SORBS2: variants seen among roughly 807,000 people sequenced by gnomAD.
SORBS2 encodes sorbin and SH3 domain-containing protein 2.
SORBS2 carries 46 observed loss-of-function variants against 97.7 expected under a neutral mutation model. That is an observed-to-expected ratio of 0.47 (90% confidence interval 0.37 to 0.60). The LOEUF (loss-of-function observed/expected upper bound fraction) is 0.60, where lower values mean the gene tolerates loss of function less well. SORBS2 is among the 20% of genes least tolerant of loss of function. SORBS2 has a pLI of 0.00. For synonymous variants in SORBS2, 476 were observed against 473.4 expected (o/e 1.01, Z -0.07); for missense variants, 1,316 against 1,282.3 (o/e 1.03, Z -0.40).
chr4:185,743,529 A>G (rs2098740147), intron 2 of SORBS2, among the ~76,000 whole-genome samples: 1 of 152,210 alleles, frequency 6.6e-6, no homozygotes, highest in African/African-American at 2.4e-5. Flanking sequence ...AAACTGTGAT[A>G]CACAATGATT....
chr4:185,778,918 C>T (rs965770394), intron 1 of SORBS2, among the ~76,000 whole-genome samples: 3 of 152,286 alleles, frequency 2.0e-5, no homozygotes, highest in Admixed American at 6.5e-5. Context: ...ACCTCTGTTC[C>T]GGCCTTAAAT....
intron 1 of SORBS2, among the ~76,000 whole-genome samples, chr4:185,822,337 T>A (rs538674572): frequency 6.6e-6 from 1 of 152,236 alleles, no homozygotes; most frequent in Non-Finnish European, 1.5e-5. Context: ...TCTGTATTCC[T>A]TGTTGGTAAC....
intron 2 of SORBS2, among the ~76,000 whole-genome samples, chr4:185,693,590 C>T (rs74930947): frequency 1.3e-3 from 197 of 152,300 alleles, no homozygotes; most frequent in African/African-American, 4.3e-3. Flanking sequence ...TTCCCAAATT[C>T]GACTTCTTCA....
At chr4:185,634,149 C>G (rs28731259) in intron 4 of SORBS2, among the ~76,000 whole-genome samples, 50,882 of 151,902 alleles carry the variant, frequency 0.33, 9,053 homozygotes, top group South Asian at 0.53. Flanking sequence ...ATATTTTGAT[C>G]ACTTCTCAGT....
intron 12 of SORBS2, among the ~76,000 whole-genome samples, chr4:185,595,198 G>T (rs914591348): frequency 3.3e-5 from 5 of 152,022 alleles, no homozygotes; most frequent in Non-Finnish European, 7.4e-5. Flanking sequence ...GCTCTGACTC[G>T]GTTAACTGGA....
At chr4:185,830,864 T>G (rs554183660) in intron 1 of SORBS2, among the ~76,000 whole-genome samples, 9 of 152,294 alleles carry the variant, frequency 5.9e-5, no homozygotes, top group African/African-American at 2.2e-4. Flanking sequence ...TTCTACTATT[T>G]TTCTCACGGC....
In SORBS2 at chr4:185,690,546, C is replaced by T; in HGVS notation, c.-197-11724G>A. ...AGAGCAAGGCTAAAAGAGTTTAAAA[C>T]TAACAGACAGCATACCTGTGTTCAT... On this transcript the variant is annotated intron_variant, in intron 2 of 20. Coordinates refer to the SORBS2 transcript ENST00000284776. 1.3e-6 allele frequency: 2 copies of T among 1,508,996 alleles called. No homozygotes were observed. The highest frequency in any genetic ancestry group is 1.8e-6 in the Non-Finnish European group (2 of 1,116,584). The allele number at this position is 1,508,996 out of a possible 1,614,324, so 93.5% of individuals were successfully genotyped here. A position where few individuals can be genotyped will look rare whatever the true frequency, so the allele number is the denominator to read the frequency against.
intron 2 of SORBS2, among the ~76,000 whole-genome samples, chr4:185,705,375 G>A (rs763639978): frequency 2.8e-4 from 42 of 151,968 alleles, no homozygotes; most frequent in East Asian, 7.7e-4. Context: ...GTGAAACCCC[G>A]TCTCTACTAA....
intron 4 of SORBS2, chr4:185,677,379 G>T: frequency 6.4e-7 from 1 of 1,552,342 alleles, no homozygotes; most frequent in Non-Finnish European, 8.7e-7. Context: ...TGCAGGATCC[G>T]TGCTGGAAGC....
At position 185,930,156 on chromosome 4, in the gene SORBS2, C is replaced by T. The variant is rs140184516; in HGVS notation, c.-338+26040G>A. 6.1e-3 allele frequency among the ~76,000 whole-genome samples: 929 copies of T among 152,232 alleles called. 7 individuals carry two copies. The highest frequency in any genetic ancestry group is 0.021 in the African/African-American group (890 of 41,530). On this transcript the variant is annotated intron_variant, in intron 1 of 20. Transcript: ENST00000284776. The stretch of plus-strand genomic sequence containing the variant: ...AAACTGATAATTCTGCACTTGTTTT[C>T]AGGGATATTTTAAATGGTCACCTCC...
At chr4:185,813,115 T>C (rs1189584362) in intron 1 of SORBS2, 1 of 152,238 alleles carries the variant, frequency 6.6e-6, no homozygotes, top group African/African-American at 2.4e-5. Flanking sequence ...TCACCAGTCA[T>C]ATTCTATCTG....
At chr4:185,737,485 C>A (rs2098695093) in intron 2 of SORBS2, among the ~76,000 whole-genome samples, 1 of 152,122 alleles carries the variant, frequency 6.6e-6, no homozygotes, top group African/African-American at 2.4e-5. Context: ...ATAAAGTGGG[C>A]AGTGGGGAGA....
At chr4:185,796,000 T>C (rs2099102976) in intron 1 of SORBS2, among the ~76,000 whole-genome samples, 1 of 152,254 alleles carries the variant, frequency 6.6e-6, no homozygotes, top group Admixed American at 6.5e-5. Flanking sequence ...CCTACTGTCC[T>C]GTCTCAGCTG....
In SORBS2 at chr4:185,877,867, C is replaced by CAAAAAAAAAAAAAA. The variant is rs1491116547; in HGVS notation, c.-338+78328_-338+78329insTTTTTTTTTTTTTT. On this transcript the variant is annotated intron_variant, in intron 1 of 20. Coordinates refer to the SORBS2 transcript ENST00000284776. ...CCTGGGTGACAGAGTGAGACTCTGT[C>CAAAAAAAAAAAAAA]AAAAAACAAAAAAAAAAAAGAAAGA... 8.5e-4 allele frequency among the ~76,000 whole-genome samples: 43 copies of CAAAAAAAAAAAAAA among 50,354 alleles called. 1 individual carries two copies. Among genetic ancestry groups the CAAAAAAAAAAAAAA allele is most frequent in the Non-Finnish European group, 1.1e-3 (29 of 26,364 alleles). 33.0% of individuals were successfully genotyped at this position (50,354 alleles called of 152,430 possible).
At chr4:185,937,618 T>C (rs1339025603) in intron 1 of SORBS2, among the ~76,000 whole-genome samples, 1 of 152,116 alleles carries the variant, frequency 6.6e-6, no homozygotes, top group Non-Finnish European at 1.5e-5. Context: ...AGCAGGGCTC[T>C]ACATCCTTGG....
chr4:185,604,863 C>T (rs1319223323), intron 12 of SORBS2, among the ~76,000 whole-genome samples: 3 of 152,044 alleles, frequency 2.0e-5, no homozygotes, highest in East Asian at 1.9e-4. Flanking sequence ...CTGTAACTTG[C>T]GTGTAAAGTA....
intron 4 of SORBS2, among the ~76,000 whole-genome samples, chr4:185,633,709 G>A (rs1228237253): frequency 7.1e-6 from 1 of 141,154 alleles, no homozygotes; most frequent in African/African-American, 2.6e-5. Context: ...AGAAATGAAG[G>A]TTAAGAGAGA....
chr4:185,754,558 G>A (rs1420176741), intron 2 of SORBS2, among the ~76,000 whole-genome samples: 3 of 152,166 alleles, frequency 2.0e-5, no homozygotes, highest in Non-Finnish European at 4.4e-5. Context: ...AGGCACATTT[G>A]CATATTATAT....
At chr4:185,608,716 G>A (rs1478437851) in intron 12 of SORBS2, among the ~76,000 whole-genome samples, 1 of 152,150 alleles carries the variant, frequency 6.6e-6, no homozygotes, top group Non-Finnish European at 1.5e-5. Flanking sequence ...ACCCTTACCG[G>A]ACTAGAGAAA....
Sources: gnomAD v4.1 joint callset for allele counts (sites outside exome capture counted in the v4.1 genomes callset) on GRCh38, gnomAD v4.1.1 for gene constraint, MANE v1.5 for transcripts, NCBI Gene and HGNC (gene_info 2026-07-23, HGNC 2026-07-21) for gene names.